PLCB1: variants seen among roughly 807,000 people sequenced by gnomAD.
PLCB1 encodes the protein phospholipase C beta 1.
A neutral mutation model predicts 161.8 loss-of-function variants in PLCB1; 46 were observed. That is an observed-to-expected ratio of 0.28 (90% CI 0.22 to 0.36). The LOEUF (loss-of-function observed/expected upper bound fraction) is 0.36. Among genes scored for constraint, PLCB1 ranks in the 10% least tolerant of loss-of-function variants. The pLI, the probability that PLCB1 is intolerant of heterozygous loss-of-function variation, is 1.00. For synonymous variants in PLCB1, 517 were observed against 503.7 expected (o/e 1.03, Z -0.35); for missense variants, 1,016 against 1,472.5 (o/e 0.69, Z 5.07).
At chr20:8,673,003 T>C (rs544512921) in intron 9 of PLCB1, among the ~76,000 whole-genome samples, 7 of 151,900 alleles carry the variant, frequency 4.6e-5, no homozygotes, top group Non-Finnish European at 1.0e-4. Context: ...TCCCAGCTAC[T>C]CAGGAGGCTG....
chr20:8,408,449 A>C (rs1025517063), intron 3 of PLCB1, among the ~76,000 whole-genome samples: 4 of 152,062 alleles, frequency 2.6e-5, no homozygotes, highest in African/African-American at 9.7e-5. Flanking sequence ...AAGAAAAGGA[A>C]AGAAAGAAAG....
intron 3 of PLCB1, among the ~76,000 whole-genome samples, chr20:8,595,624 G>A (rs1987316635): frequency 6.7e-6 from 1 of 149,112 alleles, no homozygotes; most frequent in African/African-American, 2.5e-5. Flanking sequence ...CCAGTAATGG[G>A]ATGGCTGGGT....
At chr20:8,503,141 T>G (rs1181078265) in intron 3 of PLCB1, among the ~76,000 whole-genome samples, 37 of 152,164 alleles carry the variant, frequency 2.4e-4, no homozygotes, top group Admixed American at 2.4e-3. Context: ...GAAGACACTT[T>G]GGAAAGTGAA....
chr20:8,749,656 C>T lies in PLCB1; in HGVS notation c.2524-7390C>T, dbSNP rs371933340. On this transcript the variant is annotated intron_variant, in intron 23 of 31. Coordinates refer to ENST00000338037, the MANE Select transcript of PLCB1 (RefSeq NM_015192.4). Reference sequence around the variant, plus strand: ...AAGTTGGTAGGAACTTTTTTATATACATATATTAAAGTTTGTATATGTAAC... The same window carrying T: ...AAGTTGGTAGGAACTTTTTTATATATATATATTAAAGTTTGTATATGTAAC... Among the ~76,000 whole-genome samples the T allele has an allele frequency of 3.2e-4, 48 of 152,170 alleles. No homozygotes were observed. In the East Asian group the frequency reaches 5.4e-3, roughly 17 times the overall value.
chr20:8,875,935 C>T (rs985605441), intron 31 of PLCB1, among the ~76,000 whole-genome samples: 1 of 152,132 alleles, frequency 6.6e-6, no homozygotes, highest in East Asian at 1.9e-4. Flanking sequence ...CTTTCCTTAA[C>T]TATATCAAAT....
At chr20:8,223,021 T>C (rs1165785918) in intron 2 of PLCB1, among the ~76,000 whole-genome samples, 1 of 152,176 alleles carries the variant, frequency 6.6e-6, no homozygotes, top group Non-Finnish European at 1.5e-5. Context: ...TTTTGTCCAC[T>C]TAAAACAAGC....
rs372976408 is a variant in PLCB1 at position 8,443,216 on chromosome 20, G to A, written c.246+71766G>A. On this transcript the variant is annotated intron_variant, in intron 3 of 31. Coordinates refer to ENST00000338037, the MANE Select transcript of PLCB1 (RefSeq NM_015192.4). ...AGACTGGTCTTGAACTCCTGACCTC[G>A]TGATCTGCCCGCCTTGGCCTCCTGA... 9.2e-5 allele frequency among the ~76,000 whole-genome samples: 14 copies of A among 152,032 alleles called. No individual in the cohort carries two copies. In the East Asian group the frequency reaches 1.7e-3, roughly 19 times the overall value.
chr20:8,318,578 T>C (rs565973294), intron 2 of PLCB1, among the ~76,000 whole-genome samples: 2 of 152,200 alleles, frequency 1.3e-5, no homozygotes, highest in East Asian at 3.9e-4. Context: ...ACCTTCCACA[T>C]AGAAGATGCA....
At chr20:8,857,307 T>A (rs978439955) in intron 31 of PLCB1, among the ~76,000 whole-genome samples, 1 of 152,212 alleles carries the variant, frequency 6.6e-6, no homozygotes, top group African/African-American at 2.4e-5. Flanking sequence ...TCTACCACAC[T>A]TCTCTTATGT....
chr20:8,866,375 A>G (rs1373908802), intron 31 of PLCB1, among the ~76,000 whole-genome samples: 1 of 152,240 alleles, frequency 6.6e-6, no homozygotes, highest in Non-Finnish European at 1.5e-5. Flanking sequence ...AAAGAAAAGG[A>G]TAGAGGCCAG....
intron 3 of PLCB1, among the ~76,000 whole-genome samples, chr20:8,393,954 T>C (rs1249487400): frequency 6.6e-6 from 1 of 152,160 alleles, no homozygotes; most frequent in Non-Finnish European, 1.5e-5. Context: ...ATCTTGATAA[T>C]ATTAATATAA....
intron 3 of PLCB1, among the ~76,000 whole-genome samples, chr20:8,624,488 G>A (rs1988276205): frequency 6.6e-6 from 1 of 152,212 alleles, no homozygotes; most frequent in East Asian, 1.9e-4. Flanking sequence ...TTAAAAAGTG[G>A]TATTAAAAAG....
At chr20:8,291,329 T>G (rs1983373498) in intron 2 of PLCB1, among the ~76,000 whole-genome samples, 3 of 152,134 alleles carry the variant, frequency 2.0e-5, no homozygotes, top group Non-Finnish European at 2.9e-5. Context: ...CAGCTGCTGT[T>G]TGCCCACCTG....
At chr20:8,655,328 ATATT>A (rs1369214672) in intron 7 of PLCB1, among the ~76,000 whole-genome samples, 2 of 152,108 alleles carry the variant, frequency 1.3e-5, no homozygotes, top group East Asian at 1.9e-4. Context: ...CATTTAGTAA[ATATT>A]TATTTATACC....
intron 3 of PLCB1, among the ~76,000 whole-genome samples, chr20:8,510,636 C>A (rs1172588463): frequency 6.6e-6 from 1 of 152,120 alleles, no homozygotes; most frequent in Non-Finnish European, 1.5e-5. Context: ...GGTGATCCGC[C>A]CGCCTCGGCC....
chr20:8,821,552 TATATA>T (rs1167200441), intron 31 of PLCB1, among the ~76,000 whole-genome samples: 11 of 97,772 alleles, frequency 1.1e-4, no homozygotes, highest in Non-Finnish European at 2.0e-4. Context: ...TATATATATA[TATATA>T]TTTAAATGAC....
chr20:8,686,237 A>G (rs561007504), intron 10 of PLCB1, among the ~76,000 whole-genome samples: 6 of 152,336 alleles, frequency 3.9e-5, no homozygotes, highest in African/African-American at 1.4e-4. Context: ...GGTTCATGGA[A>G]TATCACTTTA....
At chr20:8,223,371 C>A (rs191785464) in intron 2 of PLCB1, among the ~76,000 whole-genome samples, 1 of 152,238 alleles carries the variant, frequency 6.6e-6, no homozygotes, top group Non-Finnish European at 1.5e-5. Context: ...CCCTGCAAGC[C>A]AGCCCTTTGG....
At chr20:8,650,754 T>C (rs570665932) in intron 7 of PLCB1, among the ~76,000 whole-genome samples, 1 of 152,332 alleles carries the variant, frequency 6.6e-6, no homozygotes, top group South Asian at 2.1e-4. Context: ...AGTTTTAAGA[T>C]GTATAAGCTA....
Sources: allele counts gnomAD v4.1 joint callset (sites outside exome capture counted in the v4.1 genomes callset), GRCh38; gene constraint gnomAD v4.1.1; transcripts MANE v1.5; gene names NCBI Gene and HGNC (gene_info 2026-07-23, HGNC 2026-07-21).